SFRP1: variants seen among roughly 807,000 people sequenced by gnomAD.
SFRP1 encodes the protein secreted frizzled related protein 1, also known as secreted frizzled-related protein 1.
A neutral mutation model predicts 25.9 loss-of-function variants in SFRP1; 9 were observed. That is an observed-to-expected ratio of 0.35 (90% CI 0.21 to 0.61). The LOEUF (loss-of-function observed/expected upper bound fraction) is 0.61, where lower values mean the gene tolerates loss of function less well. SFRP1 is among the 20% of genes least tolerant of loss of function. The probability of loss-of-function intolerance (pLI) is 0.78; values close to 1 mark genes in which losing one functional copy is unlikely to be tolerated. For missense variants in SFRP1, 346 were observed against 418.2 expected (o/e 0.83, Z 1.51); for synonymous variants, 178 against 174.0 (o/e 1.02, Z -0.18).
At chr8:41,281,556 G>A (rs1040508679) in intron 2 of SFRP1, among the ~76,000 whole-genome samples, 6 of 152,250 alleles carry the variant, frequency 3.9e-5, no homozygotes, top group Non-Finnish European at 8.8e-5. Flanking sequence ...GTCCTCAGGT[G>A]CTATCCAAGC....
At chr8:41,305,815 CTCTT>C (rs536968557) in intron 1 of SFRP1, among the ~76,000 whole-genome samples, 5 of 152,312 alleles carry the variant, frequency 3.3e-5, no homozygotes, top group Admixed American at 2.6e-4. Context: ...CAGTCTCTCT[CTCTT>C]TCTTCTCTCT....
chr8:41,288,555 AAAAAAAAAAAAAAC>A (rs1803737194), intron 2 of SFRP1, among the ~76,000 whole-genome samples: 1 of 145,392 alleles, frequency 6.9e-6, no homozygotes, highest in African/African-American at 2.6e-5. Context: ...AAAAAAAAAA[AAAAAAAAAAAAAAC>A]TGCAATGCAC....
At chr8:41,306,613 C>T (rs1262657775) in intron 1 of SFRP1, 3 of 1,333,022 alleles carry the variant, frequency 2.3e-6, no homozygotes, top group Non-Finnish European at 1.0e-6. Context: ...GGGCAGAGCC[C>T]CCCACCAAAA....
At chr8:41,284,142 A>G (rs2117497057) in intron 2 of SFRP1, among the ~76,000 whole-genome samples, 1 of 152,298 alleles carries the variant, frequency 6.6e-6, no homozygotes, top group South Asian at 2.1e-4. Flanking sequence ...TGAAGATGGG[A>G]AGCTGGAGAA....
intron 2 of SFRP1, among the ~76,000 whole-genome samples, chr8:41,283,953 C>T (rs1803666894): frequency 6.6e-6 from 1 of 152,124 alleles, no homozygotes; most frequent in African/African-American, 2.4e-5. Flanking sequence ...CTGACTGTTC[C>T]ATCCAACCTA....
At chr8:41,286,885 G>A (rs1300398129) in intron 2 of SFRP1, among the ~76,000 whole-genome samples, 1 of 152,194 alleles carries the variant, frequency 6.6e-6, no homozygotes, top group African/African-American at 2.4e-5. Context: ...CTTCTGGAGA[G>A]AAGCCAGTGG....
chr8:41,299,799 C>T lies in SFRP1; in HGVS notation c.622+3662G>A, dbSNP rs142559651. Among the ~76,000 whole-genome samples the T allele has an allele frequency of 2.1e-4, 32 of 151,940 alleles. 1 individual carries two copies. Among genetic ancestry groups the T allele is most frequent in the Non-Finnish European group, 1.3e-4 (9 of 68,006 alleles). On this transcript the variant is annotated intron_variant, in intron 2 of 2. Coordinates refer to ENST00000220772, the MANE Select transcript of SFRP1 (RefSeq NM_003012.5). The stretch of plus-strand genomic sequence containing the variant: ...CAGGGACTATTTGAGTGCAAATAGG[C>T]CTTACTTTGTTCATTCCAAGACACA...
At chr8:41,291,430 C>T (rs1294616108) in intron 2 of SFRP1, among the ~76,000 whole-genome samples, 2 of 152,130 alleles carry the variant, frequency 1.3e-5, no homozygotes, top group Admixed American at 1.3e-4. Context: ...AGTGCAGCGT[C>T]GCAGCTCCTG....
At chr8:41,274,075 G>A (rs1255261983) in intron 2 of SFRP1, among the ~76,000 whole-genome samples, 2 of 152,214 alleles carry the variant, frequency 1.3e-5, no homozygotes, top group African/African-American at 4.8e-5. Context: ...GGGGCTTTCA[G>A]GCTTTCAGCC....
intron 2 of SFRP1, among the ~76,000 whole-genome samples, chr8:41,284,906 T>C (rs908267835): frequency 6.6e-6 from 1 of 152,188 alleles, no homozygotes; most frequent in African/African-American, 2.4e-5. Flanking sequence ...ACTCATTGAG[T>C]TCACTCTGCC....
At chr8:41,292,324 T>G (rs895524176) in intron 2 of SFRP1, among the ~76,000 whole-genome samples, 2 of 152,194 alleles carry the variant, frequency 1.3e-5, no homozygotes, top group African/African-American at 4.8e-5. Flanking sequence ...GGGAGAGACC[T>G]GGTGGGAGGT....
Position 41,265,110 on chromosome 8 carries a change from T to C in SFRP1, c.*57A>G, listed in dbSNP as rs943709536. The stretch of plus-strand genomic sequence containing the variant: ...GTGACCCACCGGGTTCCCGGGGCAC[T>C]GTCCCCCCCGCTCCCACCCCACCCG... On this transcript the variant is annotated 3_prime_UTR_variant, in exon 3 of 3. Coordinates refer to ENST00000220772, the MANE Select transcript of SFRP1 (RefSeq NM_003012.5). 6 of 648,826 alleles carry C rather than the reference T, an allele frequency of 9.2e-6. No homozygotes were observed. The highest frequency in any genetic ancestry group is 2.9e-5 in the East Asian group (1 of 34,876). The allele number at this position is 648,826 out of a possible 1,614,324, so 40.2% of individuals were successfully genotyped here. A position where few individuals can be genotyped will look rare whatever the true frequency, so the allele number is the denominator to read the frequency against.
At chr8:41,294,294 T>G (rs1004526890) in intron 2 of SFRP1, among the ~76,000 whole-genome samples, 1 of 152,138 alleles carries the variant, frequency 6.6e-6, no homozygotes, top group Non-Finnish European at 1.5e-5. Flanking sequence ...CCTTCAGCCA[T>G]AAGCCATTCC....
At chr8:41,299,894 G>A (rs535433594) in intron 2 of SFRP1, among the ~76,000 whole-genome samples, 1 of 152,106 alleles carries the variant, frequency 6.6e-6, no homozygotes, top group Non-Finnish European at 1.5e-5. Context: ...AGTACAAACT[G>A]AACAGTGTGT....
intron 1 of SFRP1, 97 bp from the exon 2 acceptor site, chr8:41,303,635 T>A: frequency 1.1e-6 from 1 of 893,378 alleles, no homozygotes; most frequent in Non-Finnish European, 1.8e-6. Context: ...AGGCTGAAAG[T>A]GGCTAAAGGT....
Position 41,309,391 on chromosome 8 carries a change from G to T in SFRP1, c.-232C>A. 4.4e-6 allele frequency: 1 copy of T among 225,448 alleles called. No homozygotes were observed. The highest frequency in any genetic ancestry group is 8.0e-6 in the Non-Finnish European group (1 of 125,742). The allele number at this position is 225,448 out of a possible 1,614,324, so 14.0% of individuals were successfully genotyped here. A position where few individuals can be genotyped will look rare whatever the true frequency, so the allele number is the denominator to read the frequency against. On this transcript the variant is annotated 5_prime_UTR_variant, in exon 1 of 3. Coordinates refer to ENST00000220772, the MANE Select transcript of SFRP1 (RefSeq NM_003012.5). ...GGCGCTGCGGGCTGGGTGCGCCCCG[G>T]CTCCCGGAGGTGCGGCGAGCAGGAA...
chr8:41,290,687 C>A lies in SFRP1; in HGVS notation c.622+12774G>T, dbSNP rs1250805832. Among the ~76,000 whole-genome samples the A allele has an allele frequency of 2.6e-5, 4 of 151,946 alleles. No individual in the cohort carries two copies. In the South Asian group the frequency reaches 6.2e-4, roughly 24 times the overall value. On this transcript the variant is annotated intron_variant, in intron 2 of 2. Transcript: ENST00000220772. ...CCGAGGGCTCCTTCAAGTGGGTGGC[C>A]CTGAGCAGGCCCAGACCCAACAGGC...
At chr8:41,304,592 G>A (rs1446737595) in intron 1 of SFRP1, among the ~76,000 whole-genome samples, 1 of 152,140 alleles carries the variant, frequency 6.6e-6, no homozygotes, top group Non-Finnish European at 1.5e-5. Flanking sequence ...TGCAGGTGGG[G>A]CTTGGTGTGC....
chr8:41,299,086 C>T (rs1039836364), intron 2 of SFRP1, among the ~76,000 whole-genome samples: 1 of 152,026 alleles, frequency 6.6e-6, no homozygotes, highest in African/African-American at 2.4e-5. Flanking sequence ...CATCTCTTCA[C>T]CGCCTACCCC....
Sources: allele counts gnomAD v4.1 joint callset (sites outside exome capture counted in the v4.1 genomes callset), GRCh38; gene constraint gnomAD v4.1.1; transcripts MANE v1.5; gene names NCBI Gene and HGNC (gene_info 2026-07-23, HGNC 2026-07-21).